Variants in DDX20 observed in about 807,000 individuals in gnomAD.
DDX20 encodes the protein DEAD-box helicase 20.
Under a neutral mutation model 76.4 loss-of-function variants are expected in DDX20, and 61 were observed. The ratio of observed to expected loss-of-function variants is 0.80; its 90% confidence interval spans 0.65 to 0.99. The LOEUF is 0.99. DDX20 is among the 50% of genes least tolerant of loss of function. The pLI, the probability that DDX20 is intolerant of heterozygous loss-of-function variation, is 0.00. For synonymous variants in DDX20, 357 were observed against 357.4 expected, an observed-to-expected ratio of 1.00 and a Z score of 0.01; for missense variants, 976 against 996.8, an observed-to-expected ratio of 0.98 and a Z score of 0.28.
intron 3 of DDX20, 124 bp from the exon 4 acceptor site, chr1:111,760,350 A>G: frequency 1.5e-6 from 1 of 672,626 alleles, no homozygotes; most frequent in East Asian, 2.7e-5. Flanking sequence ...GTACATGCAT[A>G]ATGAGAGTTG....
rs1663767282 is a variant in DDX20, at chr1:111,765,885, A to G, written c.1461A>G (p.Lys487=). The change falls in exon 11 of 11, where the codon AAA becomes AAG. Residue 487 remains lysine (K), a synonymous_variant. Coordinates refer to ENST00000369702, the MANE Select transcript of DDX20 (RefSeq NM_007204.5). The stretch of plus-strand genomic sequence containing the variant: ...TAGAGAGAACCCTTCAAATTCAGAA[A>G]GCTCATGGTGACCACATGGCTTCCT... ...QKIERTLQIQ[K]AHGDHMASSR... 4.3e-6 allele frequency: 7 copies of G among 1,614,188 alleles called. No homozygotes were observed. In the East Asian group the frequency reaches 1.3e-4, roughly 31 times the overall value.
chr1:111,757,346 C>T (rs1394771838), intron 2 of DDX20, among the ~76,000 whole-genome samples: 2 of 152,144 alleles, frequency 1.3e-5, no homozygotes, highest in African/African-American at 2.4e-5. Context: ...CCACCACAGC[C>T]GGTATGCAGG....
At chr1:111,760,637 T>C (rs764536578) in intron 4 of DDX20, 49 bp downstream of exon 4, 2 of 1,598,016 alleles carry the variant, frequency 1.3e-6, no homozygotes, top group South Asian at 2.3e-5. Context: ...CCGAAGTATC[T>C]ATCTTTAGCT....
At chr1:111,761,358 C>A in intron 7 of DDX20, 74 bp downstream of exon 7, 1 of 1,229,238 alleles carries the variant, frequency 8.1e-7, no homozygotes, top group Non-Finnish European at 1.2e-6. Flanking sequence ...GGAAAAAATA[C>A]CACTTTATGA....
rs201018313 is a variant in DDX20 at position 111,756,175 on chromosome 1, G to T, written c.251G>T (p.Arg84Met). 2.0e-6 allele frequency: 3 copies of T among 1,535,988 alleles called. No homozygotes were observed. Among genetic ancestry groups the T allele is most frequent in the Middle Eastern group, 4.6e-4 (2 of 4,340 alleles). Residue 84 changes from arginine to methionine, a missense_variant, in exon 1 of 11, where the codon AGG (arginine) becomes ATG (methionine). Physicochemically the swap from Arg to Met is moderately conservative, Grantham distance 91. Transcript: ENST00000369702. ...LEGLRAAGFE[R>M]PSPVQLKAIP... is the part of the protein sequence containing the mutation. ...GGGCTGCGGGCGGCCGGCTTCGAGA[G>T]GCCCTCGCCGGTGCAGCTCAAGGCC...
chr1:111,759,155 C>T (rs197398), intron 2 of DDX20, among the ~76,000 whole-genome samples: 30,818 of 152,150 alleles, frequency 0.2, 4,780 homozygotes, highest in African/African-American at 0.44. Context: ...AGGATGTACA[C>T]AGGTAATATA....
In DDX20 at chr1:111,756,105, C is replaced by G; in HGVS notation, c.181C>G (p.Pro61Ala). ...CACGGGGGATGTGCTGTTGGCGGAG[C>G]CGGCCGACTTCGAGTCACTGCTGCT... ...TRTGDVLLAE[P>A]ADFESLLLSR... The change falls in exon 1 of 11, where the codon CCG becomes GCG. Residue 61 changes from proline (P) to alanine (A), a missense_variant. This residue lies in a region of DDX20 where 343 missense variants were observed against 286.4 expected (regional missense o/e 1.20). Transcript: ENST00000369702. The G allele has an allele frequency of 6.3e-7, 1 of 1,599,124 alleles. No homozygotes were observed. The highest frequency in any genetic ancestry group is 2.2e-5 in the East Asian group (1 of 44,736).
At position 111,766,923 on chromosome 1, in the gene DDX20, C is replaced by A; in HGVS notation, c.*24C>A. 1.3e-6 allele frequency: 2 copies of A among 1,547,448 alleles called. No individual in the cohort carries two copies. The highest frequency in any genetic ancestry group is 1.8e-6 in the Non-Finnish European group (2 of 1,134,666). On this transcript the variant is annotated 3_prime_UTR_variant, in exon 11 of 11. Transcript: ENST00000369702. Reference sequence around the variant, plus strand: ...GATTATAGGATATACCTGAGACCATCAGGAACTGTCAACAAATGATACCTT... The same window carrying A: ...GATTATAGGATATACCTGAGACCATAAGGAACTGTCAACAAATGATACCTT...
intron 2 of DDX20, among the ~76,000 whole-genome samples, chr1:111,758,013 G>A (rs1663595664): frequency 6.8e-6 from 1 of 147,866 alleles, no homozygotes; most frequent in Non-Finnish European, 1.5e-5. Context: ...CACACCACAC[G>A]CCCGGCTAAT....
In DDX20 at chr1:111,766,852, C is replaced by T; in HGVS notation, c.2428C>T (p.His810Tyr). Residue 810 changes from histidine (H) to tyrosine (Y), a missense_variant, in exon 11 of 11, where the codon CAC (histidine) becomes TAC (tyrosine). Around this residue, in one of 3 missense-constraint regions of DDX20, gnomAD observed 630 missense variants for 693.7 expected, o/e 0.91. Transcript: ENST00000369702. ...ACATCCAAGTTGGATGGCAGCTTAT[C>T]ACATGAATACCATTTATCTACAAGA... ...QRHPSWMAAY[H>Y]MNTIYLQEMM... is the part of the protein sequence containing the mutation. 1 of 1,613,452 alleles carries T rather than the reference C, an allele frequency of 6.2e-7. No individual in the cohort carries two copies. Among genetic ancestry groups the T allele is most frequent in the Non-Finnish European group, 8.5e-7 (1 of 1,179,694 alleles).
Position 111,759,482 on chromosome 1 carries a change from T to G in DDX20, c.479T>G (p.Leu160Ter). 6.2e-7 allele frequency: 1 copy of G among 1,613,898 alleles called. No homozygotes were observed. ...GCCATTGGAATAAAAATGGAAGGCTTAGAGTGTCATGTCTTTATTGGAGGG... is the reference window on the plus strand; with the variant it reads ...GCCATTGGAATAAAAATGGAAGGCTGAGAGTGTCATGTCTTTATTGGAGGG... ...ITAIGIKMEG[L>*]ECHVFIGGTP... Residue 160 changes from leucine (L) to a stop codon, truncating the protein, a stop_gained, in exon 3 of 11, where the codon TTA becomes TGA. Coordinates refer to ENST00000369702, the MANE Select transcript of DDX20 (RefSeq NM_007204.5). LOFTEE classifies it high-confidence loss of function.
chr1:111,767,493 G>C lies in DDX20; in HGVS notation c.*594G>C, dbSNP rs1663806743. On this transcript the variant is annotated 3_prime_UTR_variant, in exon 11 of 11. Transcript: ENST00000369702. ...AAAACAAATTTAAATATATTTACAT[G>C]TTTGTTGTTTATCTTTTGAATGTCT... The C allele has an allele frequency of 6.6e-6, 1 of 152,196 alleles. No homozygotes were observed. The allele number at this position is 152,196 out of a possible 1,614,324, so 9.4% of individuals were successfully genotyped here. A position where few individuals can be genotyped will look rare whatever the true frequency, so the allele number is the denominator to read the frequency against.
chr1:111,767,989 T>C lies in DDX20; in HGVS notation c.*1090T>C, dbSNP rs1306652230. On this transcript the variant is annotated 3_prime_UTR_variant, in exon 11 of 11. Transcript: ENST00000369702. ...TAAATTACGATTTAGAAAAATATAA[T>C]TGGAAATTACATATTCTTTGCTTTT... is the stretch of plus-strand genomic sequence containing the variant. 6.6e-6 allele frequency: 1 copy of C among 152,198 alleles called. No homozygotes were observed. Among genetic ancestry groups the C allele is most frequent in the African/African-American group, 2.4e-5 (1 of 41,458 alleles). 9.4% of individuals were successfully genotyped at this position (152,198 alleles called of 1,614,324 possible).
At chr1:111,764,581 TTC>T (rs1663739925) in intron 10 of DDX20, among the ~76,000 whole-genome samples, 1 of 152,330 alleles carries the variant, frequency 6.6e-6, no homozygotes, top group South Asian at 2.1e-4. Flanking sequence ...TGTCAGTTCT[TTC>T]TGTGTATAAG....
In DDX20 at chr1:111,755,959, C is replaced by G. The variant is rs147141523; in HGVS notation, c.35C>G (p.Ala12Gly). Residue 12 changes from alanine to glycine, a missense_variant, in exon 1 of 11, where the codon GCA (alanine) becomes GGA (glycine). Coordinates refer to ENST00000369702, the MANE Select transcript of DDX20 (RefSeq NM_007204.5). The stretch of plus-strand genomic sequence containing the variant: ...GCATTTGAAGCCTCGGGAGCCTTAG[C>G]AGCAGTGGCGACTGCTATGCCGGCT... ...AAAFEASGAL[A>G]AVATAMPAEH... 1 of 1,591,704 alleles carries G rather than the reference C, an allele frequency of 6.3e-7. No homozygotes were observed. The highest frequency in any genetic ancestry group is 8.6e-7 in the Non-Finnish European group (1 of 1,164,836).
rs1295525781 is a variant in DDX20, at chr1:111,767,921, TG to T, written c.*1023del. 3.3e-5 allele frequency: 5 copies of T among 152,274 alleles called. No homozygotes were observed. The highest frequency in any genetic ancestry group is 3.3e-4 in the Admixed American group (5 of 15,296). 9.4% of individuals were successfully genotyped at this position (152,274 alleles called of 1,614,324 possible). On this transcript the variant is annotated 3_prime_UTR_variant, in exon 11 of 11. Transcript: ENST00000369702. ...AATTTTCCCCAGTTTTTACCTCTAATGTTAGGATCCAAGAGGAGCTTGGATC... is the reference window on the plus strand; with the variant it reads ...AATTTTCCCCAGTTTTTACCTCTAATTTAGGATCCAAGAGGAGCTTGGATC...
Position 111,756,170 on chromosome 1 carries a change from C to T in DDX20, c.246C>T (p.Phe82=), listed in dbSNP as rs1663546513. 6.5e-7 allele frequency: 1 copy of T among 1,544,366 alleles called. No homozygotes were observed. The highest frequency in any genetic ancestry group is 1.4e-5 in the African/African-American group (1 of 73,232). Residue 82 remains phenylalanine (F), a synonymous_variant, in exon 1 of 11, where the codon TTC becomes TTT. Transcript: ENST00000369702. The part of the protein sequence containing the change: ...PVLEGLRAAG[F]ERPSPVQLKA... ...TGGAGGGGCTGCGGGCGGCCGGCTT[C>T]GAGAGGCCCTCGCCGGTGCAGCTCA...
chr1:111,766,338 G>A lies in DDX20; in HGVS notation c.1914G>A (p.Gln638=). 1.2e-6 allele frequency: 2 copies of A among 1,614,146 alleles called. No homozygotes were observed. Among genetic ancestry groups the A allele is most frequent in the East Asian group, 2.2e-5 (1 of 44,884 alleles). Reference sequence around the variant, plus strand: ...TTGTGAGAAATAAAGTTATTGAACAGAGAGTCCCTGTGTTGGCAAGTAGTA... The same window carrying A: ...TTGTGAGAAATAAAGTTATTGAACAAAGAGTCCCTGTGTTGGCAAGTAGTA... ...NGFVRNKVIE[Q]RVPVLASSSQ... The change falls in exon 11 of 11, where the codon CAG becomes CAA. Residue 638 remains glutamine (Q), a synonymous_variant. Coordinates refer to ENST00000369702, the MANE Select transcript of DDX20 (RefSeq NM_007204.5).
chr1:111,766,083 C>G lies in DDX20; in HGVS notation c.1659C>G (p.Pro553=). The G allele has an allele frequency of 6.2e-7, 1 of 1,614,196 alleles. No homozygotes were observed. The highest frequency in any genetic ancestry group is 2.2e-5 in the East Asian group (1 of 44,892). ...EEQMKNSVQT[P]VENSTNSQHQ... is the part of the protein sequence containing the mutation. ...AAATGAAGAATTCTGTTCAGACTCC[C>G]GTTGAAAACTCCACCAACAGTCAGC... The change falls in exon 11 of 11, where the codon CCC becomes CCG. Residue 553 remains proline (P), a synonymous_variant. Coordinates refer to ENST00000369702, the MANE Select transcript of DDX20 (RefSeq NM_007204.5).
Sources: gnomAD v4.1 joint callset for allele counts (sites outside exome capture counted in the v4.1 genomes callset) on GRCh38, gnomAD v4.1.1 for gene constraint, gnomAD v4.1.1 regional missense constraint, MANE v1.5 for transcripts, NCBI Gene and HGNC (gene_info 2026-07-23, HGNC 2026-07-21) for gene names.